Variants in INO80 observed in about 807,000 individuals in gnomAD.
INO80 encodes chromatin-remodeling ATPase INO80.
In INO80, 20 loss-of-function variants were observed where a neutral mutation model predicts 203.4. The observed-to-expected ratio is 0.10, with a 90% confidence interval of 0.07 to 0.14. INO80 has a LOEUF of 0.14. Ranked by LOEUF, INO80 falls within the 10% of genes least tolerant of loss-of-function variation. The probability of loss-of-function intolerance (pLI) is 1.00; values close to 1 mark genes in which losing one functional copy is unlikely to be tolerated. For missense variants in INO80, 1,419 were observed against 1,914.4 expected, an observed-to-expected ratio of 0.74 and a Z score of 4.83; for synonymous variants, 726 against 685.2, an observed-to-expected ratio of 1.06 and a Z score of -0.93.
chr15:41,026,819 A>G (rs1215941759), intron 25 of INO80, among the ~76,000 whole-genome samples: 1 of 152,258 alleles, frequency 6.6e-6, no homozygotes, highest in Non-Finnish European at 1.5e-5. Flanking sequence ...GCTCTGATCA[A>G]CATGGATAAA....
rs570807587 is a variant in INO80, at chr15:41,050,556, C to T, written c.2275-454G>A. Among the ~76,000 whole-genome samples, 8 of 152,254 alleles carry T rather than the reference C, an allele frequency of 5.3e-5. No homozygotes were observed. In the East Asian group the frequency reaches 7.7e-4, roughly 15 times the overall value. On this transcript the variant is annotated intron_variant, in intron 19 of 35. Coordinates refer to ENST00000648947, the MANE Select transcript of INO80 (RefSeq NM_017553.3). ...AGTTGGGAAAGACAAACTTAACTCA[C>T]CTCTGAATGCTCTCTCACACCTCAT...
chr15:41,102,879 A>G (rs2045830036), intron 1 of INO80, among the ~76,000 whole-genome samples: 1 of 152,134 alleles, frequency 6.6e-6, no homozygotes, highest in East Asian at 1.9e-4. Flanking sequence ...ACTTTATTCT[A>G]AATGCGGAGT....
chr15:41,095,998 C>CACT (rs1457145321), intron 2 of INO80, 70 bp from the exon 3 acceptor site: 50 of 1,473,760 alleles, frequency 3.4e-5, no homozygotes, highest in Non-Finnish European at 4.5e-5. Flanking sequence ...TAGAACTGGA[C>CACT]ACTTTACAGA....
Position 41,092,183 on chromosome 15 carries a change from C to A in INO80, c.382-1G>T. 6.3e-7 allele frequency: 1 copy of A among 1,579,990 alleles called. No homozygotes were observed. On this transcript the variant is annotated splice_acceptor_variant, in intron 4 of 35. Coordinates refer to ENST00000648947, the MANE Select transcript of INO80 (RefSeq NM_017553.3). LOFTEE classifies it high-confidence loss of function. ...TGGATTCATCACTTAGCAGAATGCT[C>A]TGAAAAGGGTGAAAATAGAAATGTA...
chr15:41,081,570 C>T (rs931379612), intron 7 of INO80, among the ~76,000 whole-genome samples: 1 of 152,158 alleles, frequency 6.6e-6, no homozygotes, highest in African/African-American at 2.4e-5. Context: ...TAAGCCTAAT[C>T]TTCTCTAAAA....
At chr15:41,094,747 G>A (rs1416172995) in intron 4 of INO80, among the ~76,000 whole-genome samples, 1 of 152,078 alleles carries the variant, frequency 6.6e-6, no homozygotes, top group African/African-American at 2.4e-5. Context: ...CCCTCAGTAC[G>A]TTATAACAGG....
chr15:41,032,073 G>GC (rs1566919782), intron 24 of INO80, among the ~76,000 whole-genome samples: 18 of 52,414 alleles, frequency 3.4e-4, no homozygotes, highest in South Asian at 1.6e-3. Context: ...GACAGCACAG[G>GC]ACAGCACAGC....
At chr15:41,093,075 T>C (rs1400823663) in intron 4 of INO80, among the ~76,000 whole-genome samples, 1 of 151,962 alleles carries the variant, frequency 6.6e-6, no homozygotes, top group Non-Finnish European at 1.5e-5. Flanking sequence ...AAGAGGCACA[T>C]CAATACAGAC....
At chr15:41,095,972 AAATAT>A in intron 2 of INO80, 44 bp from the exon 3 acceptor site, 2 of 1,563,194 alleles carry the variant, frequency 1.3e-6, no homozygotes, top group South Asian at 1.1e-5. Flanking sequence ...TGACCCAATA[AAATAT>A]AATTTAAAGT....
chr15:41,063,336 CA>C, intron 14 of INO80, among the ~76,000 whole-genome samples: 1 of 150,864 alleles, frequency 6.6e-6, no homozygotes, highest in Non-Finnish European at 1.5e-5. Context: ...GACTCCGTCT[CA>C]AAAAAAATTT....
At chr15:41,052,905 C>T (rs1264996027) in intron 19 of INO80, among the ~76,000 whole-genome samples, 3 of 150,686 alleles carry the variant, frequency 2.0e-5, no homozygotes, top group African/African-American at 2.4e-5. Context: ...TTGTGGCACA[C>T]ACCTGTAGTC....
intron 29 of INO80, among the ~76,000 whole-genome samples, chr15:40,991,222 T>C (rs2043813153): frequency 6.6e-6 from 1 of 152,200 alleles, no homozygotes; most frequent in South Asian, 2.1e-4. Flanking sequence ...AAGATATTTA[T>C]CCTTTACATG....
At chr15:41,024,303 A>G (rs2044342521) in intron 25 of INO80, among the ~76,000 whole-genome samples, 1 of 152,200 alleles carries the variant, frequency 6.6e-6, no homozygotes, top group Admixed American at 6.5e-5. Flanking sequence ...GAGGTCCAAA[A>G]GAGGGCAAAA....
chr15:41,082,148 G>T (rs184618923), intron 7 of INO80, among the ~76,000 whole-genome samples: 1 of 151,548 alleles, frequency 6.6e-6, no homozygotes, highest in African/African-American at 2.4e-5. Flanking sequence ...TACTCGGGAG[G>T]CTGAAGCAGG....
chr15:41,085,867 A>T (rs889313129), intron 6 of INO80, among the ~76,000 whole-genome samples: 1 of 151,954 alleles, frequency 6.6e-6, no homozygotes, highest in Non-Finnish European at 1.5e-5. Context: ...AATTTCTTTT[A>T]TTTTTTTTCC....
chr15:41,091,939 ACCAC>A, intron 5 of INO80, 84 bp downstream of exon 5: 1 of 1,190,212 alleles, frequency 8.4e-7, no homozygotes, highest in East Asian at 2.4e-5. Flanking sequence ...GGTGTGAGCC[ACCAC>A]GCCCAGCCAA....
chr15:41,055,822 T>C (rs1439686450), intron 17 of INO80, among the ~76,000 whole-genome samples: 1 of 152,234 alleles, frequency 6.6e-6, no homozygotes, highest in Admixed American at 6.5e-5. Context: ...CATTCACTTA[T>C]GTATTGCCTA....
At position 41,095,786 on chromosome 15, in the gene INO80, A is replaced by G. The variant is rs370124269; in HGVS notation, c.286T>C (p.Tyr96His). 3 of 1,614,060 alleles carry G rather than the reference A, an allele frequency of 1.9e-6. No homozygotes were observed. Among genetic ancestry groups the G allele is most frequent in the African/African-American group, 1.3e-5 (1 of 74,960 alleles). Reference protein sequence around the residue: ...GAGSSGMLNTYSLNGVLQSES... With the variant: ...GAGSSGMLNTHSLNGVLQSES... ...GACTGTAGAACTCCATTCAGAGAATATGTGTTTAACATTCCAGAACTGCCT... is the reference window on the plus strand; with the variant it reads ...GACTGTAGAACTCCATTCAGAGAATGTGTGTTTAACATTCCAGAACTGCCT... The change falls in exon 3 of 36, where the codon TAT (tyrosine) becomes CAT (histidine). Residue 96 changes from tyrosine to histidine, a missense_variant. Tyr to His is a moderately conservative substitution (Grantham distance 83). This residue lies in a region of INO80 where 323 missense variants were observed against 325.4 expected (regional missense o/e 0.99). Transcript: ENST00000648947.
intron 29 of INO80, among the ~76,000 whole-genome samples, chr15:40,990,532 G>T (rs558203893): frequency 2.4e-4 from 37 of 152,238 alleles, no homozygotes; most frequent in African/African-American, 8.7e-4. Flanking sequence ...GGCCAAAATG[G>T]TTTCCCTCCA....
Sources: gnomAD v4.1 joint callset for allele counts (sites outside exome capture counted in the v4.1 genomes callset) on GRCh38, gnomAD v4.1.1 for gene constraint, gnomAD v4.1.1 regional missense constraint, MANE v1.5 for transcripts, NCBI Gene and HGNC (gene_info 2026-07-23, HGNC 2026-07-21) for gene names.